The following CNTNAP2 variants were observed in gnomAD, a reference collection of about 807,000 sequenced individuals.
CNTNAP2 encodes contactin associated protein 2.
In CNTNAP2, 98 loss-of-function variants were observed where a neutral mutation model predicts 155.2. That is an observed-to-expected ratio of 0.63 (90% CI 0.54 to 0.75). The LOEUF is 0.75. Ranked by LOEUF, CNTNAP2 falls within the 30% of genes least tolerant of loss-of-function variation. CNTNAP2 has a pLI of 0.00. For synonymous variants in CNTNAP2, 651 were observed against 631.2 expected (o/e 1.03, Z -0.47); for missense variants, 1,727 against 1,688.1 (o/e 1.02, Z -0.40).
chr7:148,316,918 A>G (rs754595556), intron 21 of CNTNAP2, among the ~76,000 whole-genome samples: 3 of 152,234 alleles, frequency 2.0e-5, no homozygotes, highest in Non-Finnish European at 4.4e-5. Context: ...CAATCCATTT[A>G]TCTGGAATAG....
intron 1 of CNTNAP2, among the ~76,000 whole-genome samples, chr7:146,565,041 T>A (rs1177391739): frequency 1.3e-5 from 2 of 152,148 alleles, no homozygotes; most frequent in African/African-American, 4.8e-5. Flanking sequence ...TTCAGTCTGC[T>A]TTTTCCTTTC....
At chr7:146,229,600 T>A (rs1486953374) in intron 1 of CNTNAP2, among the ~76,000 whole-genome samples, 1 of 152,176 alleles carries the variant, frequency 6.6e-6, no homozygotes, top group Non-Finnish European at 1.5e-5. Context: ...ACATTAATTT[T>A]TTTTTTATAT....
chr7:146,160,245 A>G (rs10238947), intron 1 of CNTNAP2, among the ~76,000 whole-genome samples: 139,003 of 152,228 alleles, frequency 0.91, 64,060 homozygotes, highest in East Asian at 0.97. Flanking sequence ...AAGCAGGAAA[A>G]ATCTAAAATT....
At chr7:146,919,640 A>G (rs1278975333) in intron 3 of CNTNAP2, among the ~76,000 whole-genome samples, 1 of 152,154 alleles carries the variant, frequency 6.6e-6, no homozygotes, top group Admixed American at 6.6e-5. Flanking sequence ...TTTTTGTTAC[A>G]TGCTCTGGTT....
chr7:148,051,051 G>A (rs55893822), intron 15 of CNTNAP2, among the ~76,000 whole-genome samples: 35,835 of 152,086 alleles, frequency 0.24, 4,525 homozygotes, highest in Middle Eastern at 0.35. Context: ...ATGCATGACT[G>A]TATTAGTAAA....
At position 147,506,713 on chromosome 7, in the gene CNTNAP2, G is replaced by A. The variant is rs185759860; in HGVS notation, c.1777+20672G>A. On this transcript the variant is annotated intron_variant, in intron 11 of 23. Coordinates refer to ENST00000361727, the MANE Select transcript of CNTNAP2 (RefSeq NM_014141.6). ...TGTTTAACCTAATGAATCAAAGCTG[G>A]GCTTTAGCAGTTGAGCCACCTGGGC... Among the ~76,000 whole-genome samples the A allele has an allele frequency of 5.3e-4, 80 of 152,278 alleles. No individual in the cohort carries two copies. In the Middle Eastern group the frequency reaches 0.01, roughly 19 times the overall value.
intron 1 of CNTNAP2, among the ~76,000 whole-genome samples, chr7:146,454,871 G>A (rs1796533073): frequency 6.6e-6 from 1 of 152,122 alleles, no homozygotes; most frequent in Non-Finnish European, 1.5e-5. Context: ...ACTGGCATCT[G>A]TTAATGGAAA....
At chr7:146,716,877 T>C (rs188345540) in intron 1 of CNTNAP2, among the ~76,000 whole-genome samples, 1 of 152,214 alleles carries the variant, frequency 6.6e-6, no homozygotes, top group Non-Finnish European at 1.5e-5. Context: ...ACCTCTATTA[T>C]GCAGTTACAG....
chr7:147,829,519 C>T (rs1245182073), intron 13 of CNTNAP2, among the ~76,000 whole-genome samples: 1 of 152,158 alleles, frequency 6.6e-6, no homozygotes, highest in Non-Finnish European at 1.5e-5. Context: ...GTACAGATCT[C>T]ATTCAATCCT....
intron 2 of CNTNAP2, among the ~76,000 whole-genome samples, chr7:146,836,385 G>C (rs1803618023): frequency 1.3e-5 from 2 of 152,054 alleles, no homozygotes; most frequent in African/African-American, 4.8e-5. Context: ...TACTATAATA[G>C]AATTTGGCAG....
chr7:146,450,081 T>C (rs1796456794), intron 1 of CNTNAP2, among the ~76,000 whole-genome samples: 2 of 152,204 alleles, frequency 1.3e-5, no homozygotes, highest in South Asian at 4.1e-4. Context: ...ACACTGTTTC[T>C]ACGTTGTACC....
intron 13 of CNTNAP2, among the ~76,000 whole-genome samples, chr7:147,826,458 T>C (rs889092565): frequency 6.6e-6 from 1 of 152,190 alleles, no homozygotes; most frequent in African/African-American, 2.4e-5. Flanking sequence ...ATCAATCAAT[T>C]TGATGGTGAC....
chr7:146,245,876 G>C lies in CNTNAP2; in HGVS notation c.97+128903G>C, dbSNP rs571573274. ...GTAAAGAAAGCATGTTTGAGATCCA[G>C]AACAGAATAATGGATTGTGGAGGGA... On this transcript the variant is annotated intron_variant, in intron 1 of 23. Coordinates refer to ENST00000361727, the MANE Select transcript of CNTNAP2 (RefSeq NM_014141.6). Among the ~76,000 whole-genome samples the C allele has an allele frequency of 2.0e-4, 28 of 141,662 alleles. No individual in the cohort carries two copies. The South Asian group carries it at 5.6e-3, about 28-fold the overall frequency. The allele number at this position is 141,662 out of a possible 152,430, so 92.9% of individuals were successfully genotyped here.
intron 13 of CNTNAP2, among the ~76,000 whole-genome samples, chr7:147,895,418 G>A (rs1008088447): frequency 1.3e-5 from 2 of 152,080 alleles, no homozygotes; most frequent in African/African-American, 4.8e-5. Context: ...ACAGTATAGT[G>A]ATTATATTTA....
intron 19 of CNTNAP2, among the ~76,000 whole-genome samples, chr7:148,224,888 C>G (rs1795818865): frequency 6.6e-6 from 1 of 152,160 alleles, no homozygotes; most frequent in Non-Finnish European, 1.5e-5. Flanking sequence ...CCGATCTCAT[C>G]ACAACTCAGT....
chr7:147,990,687 G>A (rs543140818), intron 15 of CNTNAP2, among the ~76,000 whole-genome samples: 73 of 152,060 alleles, frequency 4.8e-4, no homozygotes, highest in African/African-American at 1.7e-3. Flanking sequence ...TTTATCAAGG[G>A]GAACTTTAAA....
chr7:146,256,200 A>C (rs802561), intron 1 of CNTNAP2, among the ~76,000 whole-genome samples: 6,338 of 152,184 alleles, frequency 0.042, 448 homozygotes, highest in African/African-American at 0.14. Context: ...GGTCATCACT[A>C]CTTTCTAATT....
intron 2 of CNTNAP2, among the ~76,000 whole-genome samples, chr7:146,797,224 T>C (rs2129190589): frequency 6.6e-6 from 1 of 152,278 alleles, no homozygotes; most frequent in African/African-American, 2.4e-5. Context: ...TCTTATTAGT[T>C]TTCTGTTGGG....
At chr7:146,828,291 T>A (rs1254455246) in intron 2 of CNTNAP2, among the ~76,000 whole-genome samples, 1 of 152,012 alleles carries the variant, frequency 6.6e-6, no homozygotes, top group Non-Finnish European at 1.5e-5. Flanking sequence ...GCCCCCTATA[T>A]TAATAAAACA....
Sources: gnomAD v4.1 joint callset for allele counts (sites outside exome capture counted in the v4.1 genomes callset) on GRCh38, gnomAD v4.1.1 for gene constraint, MANE v1.5 for transcripts, NCBI Gene and HGNC (gene_info 2026-07-23, HGNC 2026-07-21) for gene names.